Variants in CNTLN observed in about 807,000 individuals in gnomAD.
CNTLN encodes centlein, also known as centlein, centrosomal protein.
CNTLN carries 212 observed loss-of-function variants against 180.0 expected under a neutral mutation model. The observed-to-expected ratio is 1.18, with a 90% confidence interval of 1.05 to 1.32. The LOEUF is 1.32. Among genes scored for constraint, CNTLN ranks in the 40% most tolerant of loss-of-function variants. The pLI is 0.00. For missense variants in CNTLN, 2,095 were observed against 1,610.9 expected (o/e 1.30, Z -5.14); for synonymous variants, 722 against 563.1 (o/e 1.28, Z -3.99).
Position 17,449,427 on chromosome 9 carries a change from G to A in CNTLN, c.3115-8097G>A, listed in dbSNP as rs367916913. Among the ~76,000 whole-genome samples, 135 of 151,806 alleles carry A rather than the reference G, an allele frequency of 8.9e-4. 2 individuals are homozygous for A. In the South Asian group the frequency reaches 0.027, roughly 30 times the overall value. ...GAATTAGTGGGTGCAGCGCACCAGC[G>A]TGGCACATGTATACATATGTAACTA... On this transcript the variant is annotated intron_variant, in intron 18 of 25. Transcript: ENST00000380647.
rs537107590 is a variant in CNTLN, at chr9:17,441,437, C to T, written c.3115-16087C>T. On this transcript the variant is annotated intron_variant, in intron 18 of 25. Coordinates refer to ENST00000380647, the MANE Select transcript of CNTLN (RefSeq NM_017738.4). Reference sequence around the variant, plus strand: ...CACCAAATTACATGTGAGAAGTAAACGTATGAATATTTTGTATGTGATTGA... The same window carrying T: ...CACCAAATTACATGTGAGAAGTAAATGTATGAATATTTTGTATGTGATTGA... Among the ~76,000 whole-genome samples the T allele has an allele frequency of 5.9e-5, 9 of 151,646 alleles. No individual in the cohort carries two copies. In the South Asian group the frequency reaches 6.2e-4, roughly 11 times the overall value.
intron 7 of CNTLN, chr9:17,300,338 A>G (rs1245821437): frequency 6.6e-6 from 1 of 152,052 alleles, no homozygotes; most frequent in Non-Finnish European, 1.5e-5. Context: ...AAATTTGTAA[A>G]TTTGTTTATC....
rs1419315214 is a variant in CNTLN at position 17,457,725 on chromosome 9, A to C, written c.3306+10A>C. ...GCAGTATAAACTAAAGGTGATTATA[A>C]AATTTATTAAGCATGAAAACATACA... On this transcript the variant is annotated intron_variant, in intron 19 of 25. Coordinates refer to ENST00000380647, the MANE Select transcript of CNTLN (RefSeq NM_017738.4). 4.3e-6 allele frequency: 6 copies of C among 1,406,704 alleles called. No homozygotes were observed. In the African/African-American group the frequency reaches 8.8e-5, roughly 21 times the overall value. 87.1% of individuals were successfully genotyped at this position (1,406,704 alleles called of 1,614,324 possible).
In CNTLN at chr9:17,384,038, A is replaced by G. The variant is rs1451822396; in HGVS notation, c.1988-4124A>G. On this transcript the variant is annotated intron_variant, in intron 13 of 25. Transcript: ENST00000380647. The stretch of plus-strand genomic sequence containing the variant: ...AAAGATCGAAATTAAAATATAATGA[A>G]GCACTTGGAAGTAGAAAATAAACAG... Among the ~76,000 whole-genome samples, 4 of 152,216 alleles carry G rather than the reference A, an allele frequency of 2.6e-5. No homozygotes were observed. The East Asian group carries it at 7.7e-4, about 29-fold the overall frequency.
At chr9:17,267,425 C>T (rs1188839174) in intron 5 of CNTLN, among the ~76,000 whole-genome samples, 1 of 152,168 alleles carries the variant, frequency 6.6e-6, no homozygotes, top group African/African-American at 2.4e-5. Context: ...GTCTGATGGG[C>T]TTCCCTTTGT....
intron 8 of CNTLN, among the ~76,000 whole-genome samples, chr9:17,314,647 G>A (rs1425440439): frequency 2.0e-5 from 3 of 152,182 alleles, no homozygotes; most frequent in Admixed American, 6.5e-5. Context: ...GTCTCCTAAC[G>A]TTATTTCTGT....
chr9:17,184,843 G>C (rs1821334580), intron 2 of CNTLN, among the ~76,000 whole-genome samples: 1 of 152,148 alleles, frequency 6.6e-6, no homozygotes, highest in Admixed American at 6.5e-5. Context: ...GCAAAAATTT[G>C]AAATGGTGGA....
chr9:17,479,417 C>T (rs969310024), intron 23 of CNTLN, among the ~76,000 whole-genome samples: 9 of 152,098 alleles, frequency 5.9e-5, no homozygotes, highest in Non-Finnish European at 1.3e-4. Flanking sequence ...GCATTATGCT[C>T]AGTGAAAAAA....
intron 18 of CNTLN, among the ~76,000 whole-genome samples, chr9:17,418,148 TAGAA>T (rs1334454275): frequency 2.0e-5 from 3 of 151,962 alleles, no homozygotes; most frequent in Non-Finnish European, 4.4e-5. Context: ...CTTTAGATGA[TAGAA>T]AGGTCCAAGA....
At chr9:17,350,504 G>A (rs1358821228) in intron 12 of CNTLN, among the ~76,000 whole-genome samples, 1 of 152,096 alleles carries the variant, frequency 6.6e-6, no homozygotes, top group Non-Finnish European at 1.5e-5. Flanking sequence ...AGAATATTAG[G>A]GACACAAGGC....
intron 6 of CNTLN, among the ~76,000 whole-genome samples, chr9:17,285,128 G>A (rs202031750): frequency 7.4e-5 from 11 of 148,380 alleles, no homozygotes; most frequent in Non-Finnish European, 3.0e-5. Flanking sequence ...AGCATTAGGT[G>A]TATCTCCCAA....
At chr9:17,186,725 A>G (rs1821456496) in intron 2 of CNTLN, among the ~76,000 whole-genome samples, 1 of 152,136 alleles carries the variant, frequency 6.6e-6, no homozygotes, top group Non-Finnish European at 1.5e-5. Flanking sequence ...ACCTTATTTA[A>G]TTTAGATACT....
At chr9:17,201,369 C>G (rs1368354524) in intron 2 of CNTLN, among the ~76,000 whole-genome samples, 1 of 152,114 alleles carries the variant, frequency 6.6e-6, no homozygotes, top group Non-Finnish European at 1.5e-5. Flanking sequence ...AGGGAGGAGT[C>G]CCTCTTTTTC....
At chr9:17,391,723 A>G (rs1826131699) in intron 14 of CNTLN, among the ~76,000 whole-genome samples, 1 of 152,194 alleles carries the variant, frequency 6.6e-6, no homozygotes, top group Non-Finnish European at 1.5e-5. Context: ...CAGCACAAGT[A>G]ATTATATTTT....
Position 17,195,298 on chromosome 9 carries a change from G to A in CNTLN, c.450-30905G>A, listed in dbSNP as rs554782559. Among the ~76,000 whole-genome samples the A allele has an allele frequency of 3.3e-5, 5 of 152,288 alleles. No homozygotes were observed. In the East Asian group the frequency reaches 7.7e-4, roughly 24 times the overall value. ...AGAGGTCATACTAATGATTTGGGGA[G>A]GAAGCAGAACCATGCTTAATAATAA... On this transcript the variant is annotated intron_variant, in intron 2 of 25. Transcript: ENST00000380647.
At chr9:17,520,881 A>T in the CNTLN span, among the ~76,000 whole-genome samples, 1 of 152,184 alleles carries the variant, frequency 6.6e-6, no homozygotes, top group East Asian at 1.9e-4. Flanking sequence ...AGGCTAGACA[A>T]TGGCAATATT....
intron 16 of CNTLN, among the ~76,000 whole-genome samples, chr9:17,409,810 C>T (rs1827699308): frequency 6.6e-6 from 1 of 151,986 alleles, no homozygotes; most frequent in East Asian, 1.9e-4. Flanking sequence ...ATGATAAAGT[C>T]ATTTAGTCTG....
In CNTLN at chr9:17,364,839, T is replaced by G. The variant is rs1279449284; in HGVS notation, c.1887-1778T>G. Among the ~76,000 whole-genome samples, 3 of 152,318 alleles carry G rather than the reference T, an allele frequency of 2.0e-5. No homozygotes were observed. In the East Asian group the frequency reaches 5.8e-4, roughly 29 times the overall value. On this transcript the variant is annotated intron_variant, in intron 12 of 25. Transcript: ENST00000380647. ...TTTTTGTATTATTTTTGATTGTTCA[T>G]GTTTCTGTAAATTGTATGGCTCAGT...
intron 25 of CNTLN, among the ~76,000 whole-genome samples, chr9:17,493,478 A>G (rs1385918542): frequency 5.3e-5 from 8 of 152,194 alleles, no homozygotes; most frequent in Non-Finnish European, 8.8e-5. Context: ...AAGGGAAAAC[A>G]AAAAGTCAGT....
Sources: gnomAD v4.1 joint callset for allele counts (sites outside exome capture counted in the v4.1 genomes callset) on GRCh38, gnomAD v4.1.1 for gene constraint, MANE v1.5 for transcripts, NCBI Gene and HGNC (gene_info 2026-07-23, HGNC 2026-07-21) for gene names.